Variants in RREB1 observed in about 807,000 individuals in gnomAD.
RREB1 encodes ras responsive element binding protein 1.
In RREB1, 27 loss-of-function variants were observed where a neutral mutation model predicts 117.8. The observed-to-expected ratio is 0.23, with a 90% confidence interval of 0.17 to 0.32. The LOEUF (loss-of-function observed/expected upper bound fraction) is 0.32, where lower values mean the gene tolerates loss of function less well. Ranked by LOEUF, RREB1 falls within the 10% of genes least tolerant of loss-of-function variation. The probability of loss-of-function intolerance (pLI) is 1.00; values close to 1 mark genes in which losing one functional copy is unlikely to be tolerated. For synonymous variants in RREB1, 1,298 were observed against 1,026.7 expected, an observed-to-expected ratio of 1.26 and a Z score of -5.05; for missense variants, 2,577 against 2,378.2, an observed-to-expected ratio of 1.08 and a Z score of -1.74.
intron 2 of RREB1, among the ~76,000 whole-genome samples, chr6:7,177,423 T>G (rs1393312955): frequency 6.6e-6 from 1 of 151,718 alleles, no homozygotes; most frequent in Non-Finnish European, 1.5e-5. Flanking sequence ...TGTTAAAAAC[T>G]GGAACACCAG....
chr6:7,175,049 C>T (rs2113510427), intron 1 of RREB1, among the ~76,000 whole-genome samples: 1 of 152,036 alleles, frequency 6.6e-6, no homozygotes, highest in Middle Eastern at 3.4e-3. Context: ...AAGGGCTATT[C>T]CTCTTCAGGC....
Position 7,230,805 on chromosome 6 carries a change from C to G in RREB1, c.2706C>G (p.Phe902Leu). 1 of 1,614,200 alleles carries G rather than the reference C, an allele frequency of 6.2e-7. No individual in the cohort carries two copies. Among genetic ancestry groups the G allele is most frequent in the Non-Finnish European group, 8.5e-7 (1 of 1,180,020 alleles). ...TGGACTTCAATGAGCCCCTGGACTT[C>G]TCGCAGAAGGGCCTGGCCCTGGTCC... ...FAVDFNEPLD[F>L]SQKGLALVQV... Residue 902 changes from phenylalanine (F) to leucine (L), a missense_variant, in exon 10 of 13, where the codon TTC (phenylalanine) becomes TTG (leucine). By Grantham distance (22) the Phe-to-Leu change is conservative. Transcript: ENST00000379938.
At chr6:7,173,159 G>A (rs760618030) in intron 1 of RREB1, among the ~76,000 whole-genome samples, 22 of 152,082 alleles carry the variant, frequency 1.4e-4, no homozygotes, top group African/African-American at 4.6e-4. Flanking sequence ...CCACTGTTCT[G>A]TCGTCTGTGG....
Position 7,247,210 on chromosome 6 carries a change from G to A in RREB1, c.4760G>A (p.Arg1587His). Residue 1587 changes from arginine (R) to histidine (H), a missense_variant, in exon 12 of 13, where the codon CGC becomes CAC. Arg to His is a conservative substitution (Grantham distance 29, BLOSUM62 0). Transcript: ENST00000379938. ...CTGCAGGACCTGACCCGGCACATGC[G>A]CTCCCACACAGGTAACCAGGGCAGG... Reference protein sequence around the residue: ...WSLQDLTRHMRSHTGERPYKC... With the variant: ...WSLQDLTRHMHSHTGERPYKC... 1 of 1,612,718 alleles carries A rather than the reference G, an allele frequency of 6.2e-7. No individual in the cohort carries two copies. The highest frequency in any genetic ancestry group is 8.5e-7 in the Non-Finnish European group (1 of 1,179,476).
chr6:7,167,202 C>A (rs988604062), intron 1 of RREB1, among the ~76,000 whole-genome samples: 13 of 152,156 alleles, frequency 8.5e-5, no homozygotes, highest in African/African-American at 3.1e-4. Flanking sequence ...GTTTCAGCAG[C>A]AACTGAAGTC....
intron 4 of RREB1, chr6:7,184,485 C>G (rs1764973708): frequency 6.6e-6 from 1 of 151,434 alleles, no homozygotes; most frequent in Non-Finnish European, 1.5e-5. Context: ...TCTCAAACTC[C>G]TGGGCTCAAG....
At position 7,230,564 on chromosome 6, in the gene RREB1, A is replaced by G. The variant is rs1435052156; in HGVS notation, c.2465A>G (p.Glu822Gly). ...CTGCACGTGCCCGAGCAGGACATCGAGAGCTACGTGCTGGCCGCCGACGGC... is the reference window on the plus strand; with the variant it reads ...CTGCACGTGCCCGAGCAGGACATCGGGAGCTACGTGCTGGCCGCCGACGGC... ...QHLHVPEQDIESYVLAADGLG... is the reference protein window; with the variant it reads ...QHLHVPEQDIGSYVLAADGLG... Residue 822 changes from glutamate to glycine, a missense_variant, in exon 10 of 13, where the codon GAG becomes GGG. By Grantham distance (98) the Glu-to-Gly change is moderately conservative (BLOSUM62 -2). Transcript: ENST00000379938. 1 of 1,602,120 alleles carries G rather than the reference A, an allele frequency of 6.2e-7. No homozygotes were observed. Among genetic ancestry groups the G allele is most frequent in the South Asian group, 1.1e-5 (1 of 90,504 alleles).
At chr6:7,122,126 T>C (rs1761706597) in intron 1 of RREB1, among the ~76,000 whole-genome samples, 1 of 152,244 alleles carries the variant, frequency 6.6e-6, no homozygotes, top group Non-Finnish European at 1.5e-5. Context: ...GAATAACTCA[T>C]CAAAACCTCA....
intron 4 of RREB1, chr6:7,183,209 CT>C: frequency 6.6e-6 from 1 of 152,358 alleles, no homozygotes; most frequent in Non-Finnish European, 1.5e-5. Context: ...TTCTCTCTCT[CT>C]TTTTTCCCTT....
At chr6:7,133,429 A>G (rs530848364) in intron 1 of RREB1, among the ~76,000 whole-genome samples, 1 of 152,266 alleles carries the variant, frequency 6.6e-6, no homozygotes, top group East Asian at 1.9e-4. Flanking sequence ...TACCCATCAT[A>G]AAATGTTCTT....
chr6:7,135,268 TC>T (rs1762306375), intron 1 of RREB1, among the ~76,000 whole-genome samples: 1 of 152,226 alleles, frequency 6.6e-6, no homozygotes, highest in African/African-American at 2.4e-5. Flanking sequence ...GGCAGCATTT[TC>T]TTTCTTTTTA....
chr6:7,112,545 A>C (rs1454405618), intron 1 of RREB1, among the ~76,000 whole-genome samples: 1 of 152,242 alleles, frequency 6.6e-6, no homozygotes, highest in African/African-American at 2.4e-5. Flanking sequence ...AGGGTCAGAC[A>C]GTGATTTCCA....
rs371873371 is a variant in RREB1 at position 7,249,928 on chromosome 6, C to T, written c.*960C>T. On this transcript the variant is annotated 3_prime_UTR_variant, in exon 13 of 13. Transcript: ENST00000379938. Reference sequence around the variant, plus strand: ...AGGTCCCCGTGTTAACGTGTGCCTGCGGTTGTGGTTGGCACCCTCGGGTGG... The same window carrying T: ...AGGTCCCCGTGTTAACGTGTGCCTGTGGTTGTGGTTGGCACCCTCGGGTGG... 2.0e-5 allele frequency: 3 copies of T among 152,536 alleles called. No homozygotes were observed. Among genetic ancestry groups the T allele is most frequent in the African/African-American group, 7.2e-5 (3 of 41,418 alleles). 9.4% of individuals were successfully genotyped at this position (152,536 alleles called of 1,614,324 possible). A position where few individuals can be genotyped will look rare whatever the true frequency, so the allele number is the denominator to read the frequency against.
Position 7,231,539 on chromosome 6 carries a change from C to T in RREB1, c.3440C>T (p.Ala1147Val), listed in dbSNP as rs772629341. 71 of 1,608,570 alleles carry T rather than the reference C, an allele frequency of 4.4e-5. No homozygotes were observed. Among genetic ancestry groups the T allele is most frequent in the Middle Eastern group, 1.7e-4 (1 of 6,040 alleles). Residue 1147 changes from alanine (A) to valine (V), a missense_variant, in exon 10 of 13, where the codon GCG becomes GTG. Transcript: ENST00000379938. ...EAASPTEQGPAGTSKKRGRKR... is the reference protein window; with the variant it reads ...EAASPTEQGPVGTSKKRGRKR... Reference sequence around the variant, plus strand: ...GCCTCTCCCACCGAGCAGGGCCCAGCGGGCACGTCGAAGAAGAGGGGCCGG... The same window carrying T: ...GCCTCTCCCACCGAGCAGGGCCCAGTGGGCACGTCGAAGAAGAGGGGCCGG...
chr6:7,218,101 T>G (rs1363601577), intron 8 of RREB1: 1 of 152,254 alleles, frequency 6.6e-6, no homozygotes, highest in Non-Finnish European at 1.5e-5. Context: ...ACACATCACT[T>G]TCTTTAGATT....
intron 1 of RREB1, among the ~76,000 whole-genome samples, chr6:7,171,339 C>T (rs1053561896): frequency 9.2e-5 from 14 of 152,078 alleles, no homozygotes; most frequent in South Asian, 4.2e-4. Flanking sequence ...CCTGCCTTGA[C>T]GGGGACGGAA....
At chr6:7,166,927 G>A (rs1763960807) in intron 1 of RREB1, among the ~76,000 whole-genome samples, 1 of 152,160 alleles carries the variant, frequency 6.6e-6, no homozygotes, top group South Asian at 2.1e-4. Flanking sequence ...AAAACTCTAT[G>A]CAAACTGCTA....
At chr6:7,241,975 C>G (rs925323320) in intron 11 of RREB1, among the ~76,000 whole-genome samples, 1 of 152,198 alleles carries the variant, frequency 6.6e-6, no homozygotes, top group Non-Finnish European at 1.5e-5. Context: ...CCAGTGCTGG[C>G]AGGCACGCGT....
At chr6:7,216,476 G>T (rs1226954399) in intron 8 of RREB1, 1 of 152,246 alleles carries the variant, frequency 6.6e-6, no homozygotes, top group Non-Finnish European at 1.5e-5. Flanking sequence ...GCTCTGACAG[G>T]AACCTCGGCT....
Sources: gnomAD v4.1 joint callset for allele counts (sites outside exome capture counted in the v4.1 genomes callset) on GRCh38, gnomAD v4.1.1 for gene constraint, MANE v1.5 for transcripts, NCBI Gene and HGNC (gene_info 2026-07-23, HGNC 2026-07-21) for gene names.